Variants in PHKB observed in about 807,000 individuals in gnomAD.
PHKB encodes the protein phosphorylase b kinase regulatory subunit beta.
A neutral mutation model predicts 152.1 loss-of-function variants in PHKB; 122 were observed. That is an observed-to-expected ratio of 0.80 (90% CI 0.69 to 0.93). The LOEUF (loss-of-function observed/expected upper bound fraction) is 0.93. Among genes scored for constraint, PHKB ranks in the 40% least tolerant of loss-of-function variants. The pLI is 0.00. For missense variants in PHKB, 1,304 were observed against 1,328.4 expected, an observed-to-expected ratio of 0.98 and a Z score of 0.29; for synonymous variants, 436 against 464.9, an observed-to-expected ratio of 0.94 and a Z score of 0.80.
At chr16:47,490,172 G>A (rs117167193) in intron 1 of PHKB, among the ~76,000 whole-genome samples, 3,954 of 152,204 alleles carry the variant, frequency 0.026, 85 homozygotes, top group Middle Eastern at 0.051. Flanking sequence ...CATGAGTCCT[G>A]TACATTTTTT....
intron 1 of PHKB, chr16:47,463,011 C>A (rs765184520): frequency 6.6e-5 from 10 of 151,668 alleles, no homozygotes; most frequent in Non-Finnish European, 1.5e-4. Flanking sequence ...ACTGAGTTGG[C>A]TACTAACGAT....
chr16:47,670,713 C>T (rs749271050), intron 26 of PHKB, among the ~76,000 whole-genome samples: 2 of 152,064 alleles, frequency 1.3e-5, no homozygotes, highest in Admixed American at 6.5e-5. Context: ...TGGTCTTGAA[C>T]TCTTTACCTT....
At chr16:47,637,110 G>A (rs1040335771) in intron 14 of PHKB, among the ~76,000 whole-genome samples, 1 of 152,178 alleles carries the variant, frequency 6.6e-6, no homozygotes, top group African/African-American at 2.4e-5. Context: ...CCTGCAGAAA[G>A]GAGCTCCCAC....
chr16:47,689,002 C>T (rs1974013508), intron 26 of PHKB, 39 bp from the exon 27 acceptor site: 3 of 1,610,596 alleles, frequency 1.9e-6, no homozygotes, highest in Non-Finnish European at 2.5e-6. Context: ...GATTTTATTT[C>T]AAGAGTTATT....
chr16:47,688,951 G>A, intron 26 of PHKB, 90 bp from the exon 27 acceptor site: 1 of 1,339,910 alleles, frequency 7.5e-7, no homozygotes, highest in Non-Finnish European at 1.1e-6. Context: ...CCTTTGAATG[G>A]GTCAGTGCTA....
chr16:47,648,560 A>G lies in PHKB; in HGVS notation c.1636A>G (p.Lys546Glu), dbSNP rs758873075. The G allele has an allele frequency of 1.9e-6, 3 of 1,613,078 alleles. No homozygotes were observed. The African/African-American group carries it at 4.0e-5, about 22-fold the overall frequency. ...KAYLQLGINE[K>E]LGLSGRPDRP... ...TTATTTGCAGCTGGGTATCAATGAA[A>G]AGTTAGGACTCTCTGGAAGGCCAGA... Residue 546 changes from lysine (K) to glutamate (E), a missense_variant, in exon 17 of 31, where the codon AAG (lysine) becomes GAG (glutamate). Coordinates refer to ENST00000323584, the MANE Select transcript of PHKB (RefSeq NM_000293.3).
intron 25 of PHKB, chr16:47,665,658 A>G (rs905090235): frequency 2.0e-6 from 1 of 494,012 alleles, no homozygotes; most frequent in South Asian, 2.1e-5. Context: ...CAAAATAATA[A>G]TTAGGTTTTC....
chr16:47,654,869 G>A (rs1973306825), intron 20 of PHKB, among the ~76,000 whole-genome samples: 1 of 151,314 alleles, frequency 6.6e-6, no homozygotes. Flanking sequence ...GAGTTAATGG[G>A]TGCAGCACAC....
chr16:47,498,644 T>C (rs1970273061), intron 2 of PHKB, among the ~76,000 whole-genome samples: 1 of 152,206 alleles, frequency 6.6e-6, no homozygotes, highest in Admixed American at 6.5e-5. Flanking sequence ...CTCATGCCTG[T>C]AATCCTAGCC....
chr16:47,681,946 G>A (rs1040798741), intron 26 of PHKB, among the ~76,000 whole-genome samples: 3 of 152,148 alleles, frequency 2.0e-5, no homozygotes, highest in Non-Finnish European at 2.9e-5. Context: ...TCCTTCAGGA[G>A]CTCTTTTAGG....
intron 26 of PHKB, among the ~76,000 whole-genome samples, chr16:47,674,239 G>A (rs932876311): frequency 1.3e-5 from 2 of 151,856 alleles, no homozygotes; most frequent in Admixed American, 6.6e-5. Flanking sequence ...AGGAACTTGA[G>A]TAGGTACAAG....
At chr16:47,464,044 G>A in intron 1 of PHKB, 1 of 1,118,700 alleles carries the variant, frequency 8.9e-7, no homozygotes, top group Non-Finnish European at 1.4e-6. Context: ...AAATACCTTT[G>A]TTTCTGAAGG....
chr16:47,502,280 T>C (rs1475419160), intron 3 of PHKB, among the ~76,000 whole-genome samples: 2 of 152,160 alleles, frequency 1.3e-5, no homozygotes, highest in Admixed American at 1.3e-4. Context: ...AAAAGCAACT[T>C]GTGGACAGAA....
chr16:47,463,019 G>A (rs1969601241), intron 1 of PHKB: 2 of 151,676 alleles, frequency 1.3e-5, no homozygotes, highest in Non-Finnish European at 2.9e-5. Context: ...GGCTACTAAC[G>A]ATGTGGCTAT....
intron 6 of PHKB, among the ~76,000 whole-genome samples, chr16:47,518,811 T>TA (rs1190884165): frequency 3.9e-5 from 6 of 152,336 alleles, no homozygotes; most frequent in Non-Finnish European, 5.9e-5. Flanking sequence ...ATCCTTTTGA[T>TA]AGAGATAACT....
intron 1 of PHKB, chr16:47,463,007 TTGGCTACTAACGATG>T (rs549671933): frequency 2.9e-3 from 446 of 152,748 alleles, no homozygotes; most frequent in African/African-American, 9.9e-3. Context: ...AAATACTGAG[TTGGCTACTAACGATG>T]TGGCTATCTG....
At chr16:47,607,798 C>T (rs1972353718) in intron 13 of PHKB, among the ~76,000 whole-genome samples, 1 of 152,198 alleles carries the variant, frequency 6.6e-6, no homozygotes, top group Non-Finnish European at 1.5e-5. Flanking sequence ...TTCCCATCAA[C>T]ACTATTTGAG....
At chr16:47,494,485 A>G (rs566037263) in intron 1 of PHKB, among the ~76,000 whole-genome samples, 1 of 152,334 alleles carries the variant, frequency 6.6e-6, no homozygotes, top group Non-Finnish European at 1.5e-5. Context: ...ATGCCTGTAA[A>G]CATGGCCCTT....
In PHKB at chr16:47,699,312, G is replaced by A; in HGVS notation, c.3228G>A (p.Leu1076=). ...CSYLTKAVMN[L]LLEGEVKPNN... The stretch of plus-strand genomic sequence containing the variant: ...ATTTGACAAAGGCGGTGATGAATCT[G>A]CTGCTGGAAGGAGAAGTCAAGCCAA... The change falls in exon 31 of 31, where the codon CTG becomes CTA. Residue 1076 remains leucine, a synonymous_variant. Transcript: ENST00000323584. 6.2e-7 allele frequency: 1 copy of A among 1,614,196 alleles called. No homozygotes were observed. Among genetic ancestry groups the A allele is most frequent in the Middle Eastern group, 1.6e-4 (1 of 6,062 alleles).
Sources: allele counts gnomAD v4.1 joint callset (sites outside exome capture counted in the v4.1 genomes callset), GRCh38; gene constraint gnomAD v4.1.1; transcripts MANE v1.5; gene names NCBI Gene and HGNC (gene_info 2026-07-23, HGNC 2026-07-21).